The following RFTN1 variants were observed in gnomAD, a reference collection of about 807,000 sequenced individuals.
RFTN1 encodes the protein raftlin, lipid raft linker 1.
Under a neutral mutation model 46.5 loss-of-function variants are expected in RFTN1, and 26 were observed. The ratio of observed to expected loss-of-function variants is 0.56; its 90% CI spans 0.41 to 0.78. RFTN1 has a LOEUF of 0.78. Among genes scored for constraint, RFTN1 ranks in the 30% least tolerant of loss-of-function variants. The probability of loss-of-function intolerance (pLI) is 0.00; values close to 1 mark genes in which losing one functional copy is unlikely to be tolerated. For synonymous variants in RFTN1, 261 were observed against 284.2 expected (o/e 0.92, Z 0.82); for missense variants, 693 against 718.7 (o/e 0.96, Z 0.41).
In RFTN1 at chr3:16,507,663, TAC is replaced by T. The variant is rs531283545; in HGVS notation, c.-9+5777_-9+5778del. Among the ~76,000 whole-genome samples the T allele has an allele frequency of 1.2e-3, 166 of 142,814 alleles. 1 individual carries two copies. The highest frequency in any genetic ancestry group is 4.2e-3 in the African/African-American group (159 of 37,748). 93.7% of individuals were successfully genotyped at this position (142,814 alleles called of 152,430 possible). Reference sequence around the variant, plus strand: ...ACACATCCACAAACACGCACATACATACACACACAATGCACATAAACACACAC... The same window carrying T: ...ACACATCCACAAACACGCACATACATACACACAATGCACATAAACACACAC... On this transcript the variant is annotated intron_variant, in intron 1 of 9. Transcript: ENST00000334133. The surrounding 1 kb of genome is among the most constrained non-coding windows in gnomAD (Gnocchi z 7.1).
At position 16,334,258 on chromosome 3, in the gene RFTN1, G is replaced by GC. The variant is rs1207683796; in HGVS notation, c.1147-7383dup. Among the ~76,000 whole-genome samples, 1 of 152,160 alleles carries GC rather than the reference G, an allele frequency of 6.6e-6. No individual in the cohort carries two copies. Among genetic ancestry groups the GC allele is most frequent in the Non-Finnish European group, 1.5e-5 (1 of 68,026 alleles). ...CTGGTAAAAACCCAAAAGTTAGGCA[G>GC]CCCGCTTTGTTGCCAAGGCCGTGGG... is the stretch of plus-strand genomic sequence containing the variant. On this transcript the variant is annotated intron_variant, in intron 7 of 9. Coordinates refer to ENST00000334133, the MANE Select transcript of RFTN1 (RefSeq NM_015150.2). The surrounding 1 kb of genome is among the most constrained non-coding windows in gnomAD (Gnocchi z 4.3).
In RFTN1 at chr3:16,351,334, C is replaced by T. The variant is rs1170420367; in HGVS notation, c.1146+6598G>A. On this transcript the variant is annotated intron_variant, in intron 7 of 9. Coordinates refer to ENST00000334133, the MANE Select transcript of RFTN1 (RefSeq NM_015150.2). This position sits in a 1 kb window ranked among gnomAD's most constrained non-coding sequence, Gnocchi z 5.4. The stretch of plus-strand genomic sequence containing the variant: ...CATACATATGAAGCCTTCAGGGAAG[C>T]CAAGGCTGGAAGATCCCCAGAATGA... Among the ~76,000 whole-genome samples the T allele has an allele frequency of 6.6e-6, 1 of 152,140 alleles. No individual in the cohort carries two copies. Among genetic ancestry groups the T allele is most frequent in the African/African-American group, 2.4e-5 (1 of 41,418 alleles).
chr3:16,351,065 A>G lies in RFTN1; in HGVS notation c.1146+6867T>C, dbSNP rs924662684. On this transcript the variant is annotated intron_variant, in intron 7 of 9. Coordinates refer to ENST00000334133, the MANE Select transcript of RFTN1 (RefSeq NM_015150.2). The surrounding 1 kb of genome is among the most constrained non-coding windows in gnomAD (Gnocchi z 5.4). ...CAAGTGAGACCTAATGTGTTATTAC[A>G]CAGGATTCACAGGATTATGAGACAG... Among the ~76,000 whole-genome samples, 2 of 152,228 alleles carry G rather than the reference A, an allele frequency of 1.3e-5. No homozygotes were observed. The highest frequency in any genetic ancestry group is 3.9e-4 in the East Asian group (2 of 5,194).
At chr3:16,326,714 A>G (rs1478697030) in intron 8 of RFTN1, 59 bp downstream of exon 8, 4 of 1,305,468 alleles carry the variant, frequency 3.1e-6, no homozygotes, top group East Asian at 2.3e-5. Flanking sequence ...CTCATTAGGA[A>G]CAGTGACTAG....
In RFTN1 at chr3:16,329,407, G is replaced by A. The variant is rs988204875; in HGVS notation, c.1147-2531C>T. ...GGAAGGGAGGAGGGAAGGGAGGAAA[G>A]GAGAGAGAGGTACAAGAATAATCCG... On this transcript the variant is annotated intron_variant, in intron 7 of 9. Coordinates refer to ENST00000334133, the MANE Select transcript of RFTN1 (RefSeq NM_015150.2). The surrounding 1 kb of genome is among the most constrained non-coding windows in gnomAD (Gnocchi z 4.5). Among the ~76,000 whole-genome samples the A allele has an allele frequency of 3.3e-5, 5 of 152,296 alleles. No homozygotes were observed. Among genetic ancestry groups the A allele is most frequent in the African/African-American group, 1.2e-4 (5 of 41,562 alleles).
Position 16,421,095 on chromosome 3 carries a change from C to G in RFTN1, c.333-11612G>C, listed in dbSNP as rs1057341019. ...TTCCTGAGTACCACTGTACTAACATCTTACATATGTTATAAAACAAAACAT... is the reference window on the plus strand; with the variant it reads ...TTCCTGAGTACCACTGTACTAACATGTTACATATGTTATAAAACAAAACAT... On this transcript the variant is annotated intron_variant, in intron 3 of 9. Transcript: ENST00000334133. This position sits in a 1 kb window ranked among gnomAD's most constrained non-coding sequence, Gnocchi z 4.6. Among the ~76,000 whole-genome samples the G allele has an allele frequency of 6.6e-6, 1 of 152,206 alleles. No homozygotes were observed. Among genetic ancestry groups the G allele is most frequent in the Non-Finnish European group, 1.5e-5 (1 of 68,042 alleles).
At chr3:16,363,418 C>T (rs560254498) in intron 6 of RFTN1, among the ~76,000 whole-genome samples, 3 of 152,344 alleles carry the variant, frequency 2.0e-5, no homozygotes, top group African/African-American at 4.8e-5. Flanking sequence ...TATTTTCCCT[C>T]GTACTGTATA....
rs1396417510 is a variant in RFTN1, at chr3:16,429,574, A to G, written c.332+4277T>C. On this transcript the variant is annotated intron_variant, in intron 3 of 9. Transcript: ENST00000334133. The surrounding 1 kb of genome is among the most constrained non-coding windows in gnomAD (Gnocchi z 6.4). Reference sequence around the variant, plus strand: ...ACTTAATTAGACTGCAAGTGCTTGGAAGGCAGGCTCCACATTCAACTGAGC... The same window carrying G: ...ACTTAATTAGACTGCAAGTGCTTGGGAGGCAGGCTCCACATTCAACTGAGC... 1.3e-5 allele frequency among the ~76,000 whole-genome samples: 2 copies of G among 152,180 alleles called. No homozygotes were observed. The highest frequency in any genetic ancestry group is 4.8e-5 in the African/African-American group (2 of 41,430).
At chr3:16,373,654 A>T (rs2073618425) in intron 5 of RFTN1, among the ~76,000 whole-genome samples, 1 of 152,148 alleles carries the variant, frequency 6.6e-6, no homozygotes, top group South Asian at 2.1e-4. Context: ...GGAGAGAAGA[A>T]AGAGTTTAGA....
At chr3:16,354,502 A>C (rs1214622486) in intron 7 of RFTN1, among the ~76,000 whole-genome samples, 1 of 152,212 alleles carries the variant, frequency 6.6e-6, no homozygotes, top group Non-Finnish European at 1.5e-5. Context: ...CCTTTGACAC[A>C]GTTCTGTCCC....
rs569856083 is a variant in RFTN1, at chr3:16,353,028, G to A, written c.1146+4904C>T. ...GAATGGCACATCTACACAGAGCTGA[G>A]GGATCAGCACAGGAGGAGGAAAGAG... On this transcript the variant is annotated intron_variant, in intron 7 of 9. Coordinates refer to ENST00000334133, the MANE Select transcript of RFTN1 (RefSeq NM_015150.2). This position sits in a 1 kb window ranked among gnomAD's most constrained non-coding sequence, Gnocchi z 5.4. Among the ~76,000 whole-genome samples, 6 of 152,276 alleles carry A rather than the reference G, an allele frequency of 3.9e-5. No homozygotes were observed. In the East Asian group the frequency reaches 9.6e-4, roughly 24 times the overall value.
Position 16,381,447 on chromosome 3 carries a change from G to A in RFTN1, c.442-3345C>T, listed in dbSNP as rs62236298. On this transcript the variant is annotated intron_variant, in intron 4 of 9. Transcript: ENST00000334133. This position sits in a 1 kb window ranked among gnomAD's most constrained non-coding sequence, Gnocchi z 4.2. ...AGGGGAGGTTGAGAAAAGTTTCTCC[G>A]AGTAGATCAGGGATGTAACAAATGA... 0.056 allele frequency among the ~76,000 whole-genome samples: 8,574 copies of A among 152,310 alleles called. 314 individuals carry two copies. Among genetic ancestry groups the A allele is most frequent in the Middle Eastern group, 0.15 (43 of 294 alleles).
rs1323681438 is a variant in RFTN1, at chr3:16,498,414, C to G, written c.-8-4537G>C. 6.6e-6 allele frequency among the ~76,000 whole-genome samples: 1 copy of G among 152,206 alleles called. No individual in the cohort carries two copies. Among genetic ancestry groups the G allele is most frequent in the African/African-American group, 2.4e-5 (1 of 41,456 alleles). On this transcript the variant is annotated intron_variant, in intron 1 of 9. Transcript: ENST00000334133. The surrounding 1 kb of genome is among the most constrained non-coding windows in gnomAD (Gnocchi z 5.2). The stretch of plus-strand genomic sequence containing the variant: ...ATGTGTTTCAGGCAGGTCACTGAAC[C>G]TGTTCTGGTTCTGAGGCTGCCCAAT...
At chr3:16,404,619 T>G (rs1380440086) in intron 4 of RFTN1, among the ~76,000 whole-genome samples, 1 of 151,388 alleles carries the variant, frequency 6.6e-6, no homozygotes, top group Non-Finnish European at 1.5e-5. Context: ...CAAACAGGAC[T>G]TGGCTCTTCC....
At position 16,400,683 on chromosome 3, in the gene RFTN1, T is replaced by C. The variant is rs1282285467; in HGVS notation, c.441+8692A>G. 6.6e-6 allele frequency among the ~76,000 whole-genome samples: 1 copy of C among 152,182 alleles called. No homozygotes were observed. Among genetic ancestry groups the C allele is most frequent in the Non-Finnish European group, 1.5e-5 (1 of 68,036 alleles). ...TTGGGGAGTGATTGAGACAAGCGTATGACCCCTTCCCTCCCTCCGGCTTAA... is the reference window on the plus strand; with the variant it reads ...TTGGGGAGTGATTGAGACAAGCGTACGACCCCTTCCCTCCCTCCGGCTTAA... On this transcript the variant is annotated intron_variant, in intron 4 of 9. Transcript: ENST00000334133. This position sits in a 1 kb window ranked among gnomAD's most constrained non-coding sequence, Gnocchi z 4.5.
At chr3:16,409,197 C>A (rs1254622878) in intron 4 of RFTN1, among the ~76,000 whole-genome samples, 178 bp downstream of exon 4, 1 of 152,202 alleles carries the variant, frequency 6.6e-6, no homozygotes, top group Non-Finnish European at 1.5e-5. Flanking sequence ...GGTTAGCCAT[C>A]TTGTTCCAGA....
chr3:16,397,171 C>G (rs1354133775), intron 4 of RFTN1, among the ~76,000 whole-genome samples: 1 of 151,422 alleles, frequency 6.6e-6, no homozygotes, highest in Non-Finnish European at 1.5e-5. Flanking sequence ...GAATATTATT[C>G]AGCCTTAAAA....
intron 7 of RFTN1, among the ~76,000 whole-genome samples, chr3:16,333,775 AT>A (rs2070566155): frequency 6.6e-6 from 1 of 152,234 alleles, no homozygotes; most frequent in Non-Finnish European, 1.5e-5. Flanking sequence ...AATAATCCAA[AT>A]TTTAAAAGGG....
chr3:16,327,809 GGA>G lies in RFTN1; in HGVS notation c.1147-935_1147-934del, dbSNP rs79274684. ...AAACTTCAGCCCCCTGCTAGCACAG[GGA>G]GAGAGCCCTGATGTGAGGCCCCTGC... On this transcript the variant is annotated intron_variant, in intron 7 of 9. Coordinates refer to ENST00000334133, the MANE Select transcript of RFTN1 (RefSeq NM_015150.2). This position sits in a 1 kb window ranked among gnomAD's most constrained non-coding sequence, Gnocchi z 4.2. Among the ~76,000 whole-genome samples the G allele has an allele frequency of 0.019, 2,909 of 152,054 alleles. 84 individuals are homozygous for G. Among genetic ancestry groups the G allele is most frequent in the East Asian group, 0.11 (578 of 5,170 alleles).
Sources: allele counts gnomAD v4.1 joint callset (sites outside exome capture counted in the v4.1 genomes callset), GRCh38; gene constraint gnomAD v4.1.1; non-coding constraint Gnocchi (gnomAD v3.1); transcripts MANE v1.5; gene names NCBI Gene and HGNC (gene_info 2026-07-23, HGNC 2026-07-21).